Variants in RAI1 observed in about 807,000 individuals in gnomAD.
RAI1 encodes the protein retinoic acid induced 1.
Under a neutral mutation model 123.8 loss-of-function variants are expected in RAI1, and 9 were observed. That is an observed-to-expected ratio of 0.07 (90% confidence interval 0.04 to 0.13). The LOEUF (loss-of-function observed/expected upper bound fraction) is 0.13, where lower values mean the gene tolerates loss of function less well. Among genes scored for constraint, RAI1 ranks in the 10% least tolerant of loss-of-function variants. The probability of loss-of-function intolerance (pLI) is 1.00; values close to 1 mark genes in which losing one functional copy is unlikely to be tolerated. For synonymous variants in RAI1, 1,231 were observed against 1,127.3 expected, an observed-to-expected ratio of 1.09 and a Z score of -1.84; for missense variants, 2,256 against 2,545.8, an observed-to-expected ratio of 0.89 and a Z score of 2.45.
At position 17,810,855 on chromosome 17, in the gene RAI1, C is replaced by T; in HGVS notation, c.*874C>T. On this transcript the variant is annotated 3_prime_UTR_variant, in exon 6 of 6. Coordinates refer to ENST00000353383, the MANE Select transcript of RAI1 (RefSeq NM_030665.4). This position sits in a 1 kb window ranked among gnomAD's most constrained non-coding sequence, Gnocchi z 4.6. ...ACCACCAGGGACCGCCGCGCCTACTCTGCACGGGAGCAGGGACAGCGCTAG... is the reference window on the plus strand; with the variant it reads ...ACCACCAGGGACCGCCGCGCCTACTTTGCACGGGAGCAGGGACAGCGCTAG... 2.2e-6 allele frequency: 1 copy of T among 449,390 alleles called. No homozygotes were observed. The highest frequency in any genetic ancestry group is 4.5e-6 in the Non-Finnish European group (1 of 221,462). The allele number at this position is 449,390 out of a possible 1,614,324, so 27.8% of individuals were successfully genotyped here.
At chr17:17,708,409 T>TACAC (rs1428609881) in intron 1 of RAI1, among the ~76,000 whole-genome samples, 31 of 133,284 alleles carry the variant, frequency 2.3e-4, no homozygotes, top group African/African-American at 8.6e-4. Flanking sequence ...CATATATATA[T>TACAC]ATACACACAC....
At chr17:17,805,201 T>TGA (rs1293703573) in intron 4 of RAI1, among the ~76,000 whole-genome samples, 2 of 152,148 alleles carry the variant, frequency 1.3e-5, no homozygotes, top group African/African-American at 4.8e-5. Flanking sequence ...GCAAGTTGGT[T>TGA]GATACCTCTG....
In RAI1 at chr17:17,801,381, CCTCA is replaced by C. The variant is rs1372770737; in HGVS notation, c.5566-2371_5566-2368del. On this transcript the variant is annotated intron_variant, in intron 3 of 5. Coordinates refer to ENST00000353383, the MANE Select transcript of RAI1 (RefSeq NM_030665.4). The surrounding 1 kb of genome is among the most constrained non-coding windows in gnomAD (Gnocchi z 4.1). ...TAGCTGGGGTCAGAAGGGCCTGAGG[CCTCA>C]CTCTCTCTGCATCTTAGTTTCTTCA... 6.6e-6 allele frequency among the ~76,000 whole-genome samples: 1 copy of C among 152,170 alleles called. No individual in the cohort carries two copies. Among genetic ancestry groups the C allele is most frequent in the East Asian group, 1.9e-4 (1 of 5,194 alleles).
At chr17:17,689,718 G>C (rs746894436) in intron 1 of RAI1, among the ~76,000 whole-genome samples, 3 of 152,188 alleles carry the variant, frequency 2.0e-5, no homozygotes, top group Non-Finnish European at 4.4e-5. Context: ...ACTTGGTTCT[G>C]TCATCTGTAA....
rs890792816 is a variant in RAI1 at position 17,734,545 on chromosome 17, C to T, written c.-17+10386C>T. On this transcript the variant is annotated intron_variant, in intron 2 of 5. Transcript: ENST00000353383. Reference sequence around the variant, plus strand: ...AATGGTACTTATCCTCCCGTGGGAGCAGACCAGGGCTAACCAAGGCCGCTG... The same window carrying T: ...AATGGTACTTATCCTCCCGTGGGAGTAGACCAGGGCTAACCAAGGCCGCTG... 7.2e-5 allele frequency among the ~76,000 whole-genome samples: 11 copies of T among 152,326 alleles called. No individual in the cohort carries two copies. In the South Asian group the frequency reaches 2.3e-3, roughly 32 times the overall value.
At chr17:17,738,575 G>A (rs984563222) in intron 2 of RAI1, among the ~76,000 whole-genome samples, 4 of 152,196 alleles carry the variant, frequency 2.6e-5, no homozygotes, top group African/African-American at 4.8e-5. Flanking sequence ...GAAACTGGGA[G>A]AAGCCATGGG....
rs765188274 is a variant in RAI1, at chr17:17,795,750, C to T, written c.2802C>T (p.Thr934=). Residue 934 remains threonine (T), a synonymous_variant, in exon 3 of 6, where the codon ACC becomes ACT. Coordinates refer to ENST00000353383, the MANE Select transcript of RAI1 (RefSeq NM_030665.4). The surrounding 1 kb of genome is among the most constrained non-coding windows in gnomAD (Gnocchi z 5.9). ...SVILLGPTVG[T]ESKVQSWFES... ...TCCTGCTGGGCCCTACAGTGGGCACCGAGTCAAAGGTCCAGAGCTGGTTTG... is the reference window on the plus strand; with the variant it reads ...TCCTGCTGGGCCCTACAGTGGGCACTGAGTCAAAGGTCCAGAGCTGGTTTG... 35 of 1,613,350 alleles carry T rather than the reference C, an allele frequency of 2.2e-5. No homozygotes were observed. The highest frequency in any genetic ancestry group is 2.7e-5 in the African/African-American group (2 of 74,910).
chr17:17,732,442 G>A (rs1419256340), intron 2 of RAI1, among the ~76,000 whole-genome samples: 1 of 152,156 alleles, frequency 6.6e-6, no homozygotes, highest in South Asian at 2.1e-4. Flanking sequence ...TGTGGTGACT[G>A]GATCTGCCAT....
chr17:17,721,321 C>T (rs142681648), intron 1 of RAI1, among the ~76,000 whole-genome samples: 1 of 152,148 alleles, frequency 6.6e-6, no homozygotes, highest in Non-Finnish European at 1.5e-5. Context: ...GGAATGTATA[C>T]CAGGAACCAT....
At chr17:17,707,820 C>T (rs1175149387) in intron 1 of RAI1, among the ~76,000 whole-genome samples, 1 of 152,166 alleles carries the variant, frequency 6.6e-6, no homozygotes, top group Non-Finnish European at 1.5e-5. Flanking sequence ...TCTCAAACTC[C>T]TAAGCTCAGG....
chr17:17,746,266 T>C (rs948800827), intron 2 of RAI1, among the ~76,000 whole-genome samples: 5 of 152,186 alleles, frequency 3.3e-5, no homozygotes, highest in African/African-American at 1.2e-4. Flanking sequence ...TGAAAGACCT[T>C]GTCACAAAGG....
intron 2 of RAI1, among the ~76,000 whole-genome samples, chr17:17,752,580 G>C (rs1174560062): frequency 2.0e-5 from 3 of 152,090 alleles, no homozygotes; most frequent in Non-Finnish European, 2.9e-5. Context: ...AGTTTTTCTT[G>C]GCCCTTGGAG....
In RAI1 at chr17:17,809,147, G is replaced by A. The variant is rs1283606927; in HGVS notation, c.5660-243G>A. 3 of 595,136 alleles carry A rather than the reference G, an allele frequency of 5.0e-6. No homozygotes were observed. The highest frequency in any genetic ancestry group is 1.9e-5 in the South Asian group (1 of 53,850). The allele number at this position is 595,136 out of a possible 1,614,324, so 36.9% of individuals were successfully genotyped here. A position where few individuals can be genotyped will look rare whatever the true frequency, so the allele number is the denominator to read the frequency against. ...GGAGGGGCGGCACGTGGAACTCAGG[G>A]GGAAAAGCTCTCCGCGGAGGAGGTG... On this transcript the variant is annotated intron_variant, in intron 4 of 5. Transcript: ENST00000353383. The surrounding 1 kb of genome is among the most constrained non-coding windows in gnomAD (Gnocchi z 4.9).
chr17:17,773,834 AG>A (rs1329090360), intron 2 of RAI1, among the ~76,000 whole-genome samples: 1 of 152,230 alleles, frequency 6.6e-6, no homozygotes, highest in East Asian at 1.9e-4. Context: ...CTGAGTTCGA[AG>A]TTTCCAAACC....
At chr17:17,717,472 G>A (rs978294548) in intron 1 of RAI1, among the ~76,000 whole-genome samples, 1 of 152,096 alleles carries the variant, frequency 6.6e-6, no homozygotes, top group Admixed American at 6.5e-5. Context: ...AAGTGAGACT[G>A]AGAGAAGACC....
chr17:17,795,243 T>C lies in RAI1; in HGVS notation c.2295T>C (p.Leu765=), dbSNP rs1214936680. 3 of 1,613,930 alleles carry C rather than the reference T, an allele frequency of 1.9e-6. No homozygotes were observed. In the African/African-American group the frequency reaches 4.0e-5, roughly 22 times the overall value. The change falls in exon 3 of 6, where the codon CTT becomes CTC. Residue 765 remains leucine (L), a synonymous_variant. Transcript: ENST00000353383. The surrounding 1 kb of genome is among the most constrained non-coding windows in gnomAD (Gnocchi z 5.9). ...GGTGGGGATTGCACCCTGGCGAGCT[T>C]ACCAAGGGCCTGGAGCAGGGTGGGA... ...CPRWGLHPGE[L]TKGLEQGGKA...
intron 1 of RAI1, among the ~76,000 whole-genome samples, chr17:17,705,272 T>G (rs182904582): frequency 6.6e-6 from 1 of 152,376 alleles, no homozygotes; most frequent in African/African-American, 2.4e-5. Flanking sequence ...TATAATTGTT[T>G]GACTCATTTT....
rs2143004734 is a variant in RAI1 at position 17,801,919 on chromosome 17, A to G, written c.5566-1837A>G. 2 of 384,440 alleles carry G rather than the reference A, an allele frequency of 5.2e-6. No homozygotes were observed. Among genetic ancestry groups the G allele is most frequent in the South Asian group, 3.8e-5 (2 of 51,986 alleles). The allele number at this position is 384,440 out of a possible 1,614,324, so 23.8% of individuals were successfully genotyped here. A position where few individuals can be genotyped will look rare whatever the true frequency, so the allele number is the denominator to read the frequency against. On this transcript the variant is annotated intron_variant, in intron 3 of 5. Coordinates refer to ENST00000353383, the MANE Select transcript of RAI1 (RefSeq NM_030665.4). The surrounding 1 kb of genome is among the most constrained non-coding windows in gnomAD (Gnocchi z 4.1). The stretch of plus-strand genomic sequence containing the variant: ...ATCCCATCATAAGGTTGCTGTGGGC[A>G]TGAGGCTTCCAGCCATGCCTGGCAC...
At position 17,809,831 on chromosome 17, in the gene RAI1, C is replaced by A. The variant is rs1246092573; in HGVS notation, c.5710-139C>A. The A allele has an allele frequency of 3.4e-6, 4 of 1,183,486 alleles. No homozygotes were observed. Among genetic ancestry groups the A allele is most frequent in the African/African-American group, 1.6e-5 (1 of 64,442 alleles). The allele number at this position is 1,183,486 out of a possible 1,614,324, so 73.3% of individuals were successfully genotyped here. A position where few individuals can be genotyped will look rare whatever the true frequency, so the allele number is the denominator to read the frequency against. ...GTGGGGCCAGAAGGGGTGGTGCCGA[C>A]GGCCTCGGGCGGAGACCCCAGCCGC... On this transcript the variant is annotated intron_variant, in intron 5 of 5. Transcript: ENST00000353383. The surrounding 1 kb of genome is among the most constrained non-coding windows in gnomAD (Gnocchi z 4.9).
Sources: gnomAD v4.1 joint callset for allele counts (sites outside exome capture counted in the v4.1 genomes callset) on GRCh38, gnomAD v4.1.1 for gene constraint, Gnocchi (gnomAD v3.1) non-coding constraint, MANE v1.5 for transcripts, NCBI Gene and HGNC (gene_info 2026-07-23, HGNC 2026-07-21) for gene names.